The following SCHIP1 variants were observed in gnomAD, a reference collection of about 807,000 sequenced individuals.
SCHIP1 encodes schwannomin-interacting protein 1.
Under a neutral mutation model 29.7 loss-of-function variants are expected in SCHIP1, and 8 were observed. That is an observed-to-expected ratio of 0.27 (90% CI 0.16 to 0.49). The LOEUF (loss-of-function observed/expected upper bound fraction) is 0.49, where lower values mean the gene tolerates loss of function less well. Among genes scored for constraint, SCHIP1 ranks in the 20% least tolerant of loss-of-function variants. SCHIP1 has a pLI of 0.99. For synonymous variants in SCHIP1, 76 were observed against 94.9 expected, an observed-to-expected ratio of 0.80 and a Z score of 1.16; for missense variants, 193 against 294.6, an observed-to-expected ratio of 0.66 and a Z score of 2.52.
chr3:159,804,743 T>C, the SCHIP1 span, among the ~76,000 whole-genome samples: 2 of 152,248 alleles, frequency 1.3e-5, no homozygotes, highest in Non-Finnish European at 2.9e-5. Flanking sequence ...GGTTGGCTCC[T>C]GGTTAGGAAA....
chr3:159,827,065 G>T, the SCHIP1 span, among the ~76,000 whole-genome samples: 1 of 152,236 alleles, frequency 6.6e-6, no homozygotes, highest in Admixed American at 6.5e-5. Flanking sequence ...AATAGCTTTA[G>T]GACAAAGCAA....
At chr3:159,626,301 T>A in the SCHIP1 span, among the ~76,000 whole-genome samples, 2 of 130,252 alleles carry the variant, frequency 1.5e-5, no homozygotes, top group South Asian at 4.6e-4. Context: ...GATAGATAGA[T>A]TTTTTTTTAC....
intron 1 of SCHIP1, among the ~76,000 whole-genome samples, chr3:159,852,100 A>T (rs911348200): frequency 6.6e-6 from 1 of 152,218 alleles, no homozygotes; most frequent in Admixed American, 6.5e-5. Context: ...TTGAATTTTT[A>T]AAAAATGTGG....
At chr3:159,610,717 G>A in the SCHIP1 span, among the ~76,000 whole-genome samples, 36 of 152,066 alleles carry the variant, frequency 2.4e-4, no homozygotes, top group East Asian at 2.1e-3. Context: ...TTGGACCAGA[G>A]GTCTGGTATA....
At chr3:159,886,509 T>C (rs1454849514) in intron 3 of SCHIP1, 185 bp downstream of exon 4, 2 of 544,166 alleles carry the variant, frequency 3.7e-6, no homozygotes, top group African/African-American at 1.9e-5. Context: ...AATAGAGATA[T>C]ATAAGCTTTC....
chr3:159,740,464 G>A, the SCHIP1 span, among the ~76,000 whole-genome samples: 1 of 152,146 alleles, frequency 6.6e-6, no homozygotes, highest in African/African-American at 2.4e-5. Context: ...GCTGAGGAAA[G>A]CAGGTGCTTG....
chr3:159,738,180 G>A, the SCHIP1 span, among the ~76,000 whole-genome samples: 38 of 151,436 alleles, frequency 2.5e-4, no homozygotes, highest in South Asian at 2.1e-4. Flanking sequence ...GCATTTTGTA[G>A]GTATTTTTCT....
the SCHIP1 span, among the ~76,000 whole-genome samples, chr3:159,686,460 G>A: frequency 6.6e-6 from 1 of 152,118 alleles, no homozygotes; most frequent in Non-Finnish European, 1.5e-5. Flanking sequence ...AGATAGCCAA[G>A]CACACAAAGA....
intron 2 of SCHIP1, among the ~76,000 whole-genome samples, chr3:159,885,949 G>T (rs986968425): frequency 1.3e-5 from 2 of 152,182 alleles, no homozygotes; most frequent in Non-Finnish European, 2.9e-5. Context: ...TATCTGTTTG[G>T]TATTGTGCTG....
At chr3:159,602,898 C>T in the SCHIP1 span, among the ~76,000 whole-genome samples, 1 of 152,080 alleles carries the variant, frequency 6.6e-6, no homozygotes, top group African/African-American at 2.4e-5. Flanking sequence ...CCACAGATAC[C>T]ACCTGGGTGT....
chr3:159,626,091 TAGATAGATAG>T, the SCHIP1 span, among the ~76,000 whole-genome samples: 1,875 of 27,164 alleles, frequency 0.069, 218 homozygotes, highest in African/African-American at 0.16. Context: ...GCAGCTTATA[TAGATAGATAG>T]ATAGATAGAT....
chr3:159,619,906 C>T, the SCHIP1 span, among the ~76,000 whole-genome samples: 1 of 152,194 alleles, frequency 6.6e-6, no homozygotes, highest in African/African-American at 2.4e-5. Context: ...AATGCTAAAA[C>T]ATGAAGTCCA....
chr3:159,671,594 TTTA>T, the SCHIP1 span, among the ~76,000 whole-genome samples: 3 of 152,308 alleles, frequency 2.0e-5, no homozygotes, highest in African/African-American at 7.2e-5. Flanking sequence ...TATGGATCAG[TTTA>T]TTATCAAGTT....
the SCHIP1 span, among the ~76,000 whole-genome samples, chr3:159,370,272 G>A: frequency 1.3e-5 from 2 of 152,050 alleles, no homozygotes; most frequent in African/African-American, 4.8e-5. Context: ...CAGCCATGCT[G>A]GCCTCCAACA....
the SCHIP1 span, among the ~76,000 whole-genome samples, chr3:159,812,520 T>C: frequency 3.9e-5 from 6 of 152,342 alleles, no homozygotes; most frequent in East Asian, 9.6e-4. Flanking sequence ...AACCGAATTA[T>C]TACATGGCGT....
At chr3:159,796,752 AC>A in the SCHIP1 span, among the ~76,000 whole-genome samples, 1 of 152,154 alleles carries the variant, frequency 6.6e-6, no homozygotes, top group Non-Finnish European at 1.5e-5. Context: ...CCTGACATTG[AC>A]CATGGGGAAG....
chr3:159,370,562 A>AGAGT, the SCHIP1 span, among the ~76,000 whole-genome samples: 1 of 152,194 alleles, frequency 6.6e-6, no homozygotes, highest in African/African-American at 2.4e-5. Context: ...TGAGTCTGTG[A>AGAGT]GAGTGTTTCC....
At chr3:159,680,598 A>G in the SCHIP1 span, among the ~76,000 whole-genome samples, 1 of 99,198 alleles carries the variant, frequency 1.0e-5, no homozygotes, top group East Asian at 2.3e-4. Flanking sequence ...ATATATGTAT[A>G]ATATATATTA....
the SCHIP1 span, among the ~76,000 whole-genome samples, chr3:159,506,828 C>A: frequency 4.6e-5 from 7 of 152,100 alleles, no homozygotes; most frequent in African/African-American, 1.4e-4. Flanking sequence ...TGGTCTATAC[C>A]TCTATTTTGG....
Sources: allele counts gnomAD v4.1 joint callset (sites outside exome capture counted in the v4.1 genomes callset), GRCh38; gene constraint gnomAD v4.1.1; transcripts MANE v1.5; gene names NCBI Gene and HGNC (gene_info 2026-07-23, HGNC 2026-07-21).